Variants in SFXN2 observed in about 807,000 individuals in gnomAD.
The protein encoded by SFXN2 is sideroflexin 2.
SFXN2 carries 37 observed loss-of-function variants against 41.9 expected under a neutral mutation model. That is an observed-to-expected ratio of 0.88 (90% CI 0.68 to 1.16). SFXN2 has a LOEUF of 1.16. Among genes scored for constraint, SFXN2 ranks in the 50% most tolerant of loss-of-function variants. The pLI is 0.00. For synonymous variants in SFXN2, 150 were observed against 156.7 expected, an observed-to-expected ratio of 0.96 and a Z score of 0.32; for missense variants, 386 against 425.2, an observed-to-expected ratio of 0.91 and a Z score of 0.81.
Position 102,739,639 on chromosome 10 carries a change from C to T in SFXN2, c.*1877C>T, listed in dbSNP as rs2064824685. 6.6e-6 allele frequency: 1 copy of T among 152,234 alleles called. No individual in the cohort carries two copies. The highest frequency in any genetic ancestry group is 1.5e-5 in the Non-Finnish European group (1 of 68,056). 9.4% of individuals were successfully genotyped at this position (152,234 alleles called of 1,614,324 possible). A position where few individuals can be genotyped will look rare whatever the true frequency, so the allele number is the denominator to read the frequency against. On this transcript the variant is annotated 3_prime_UTR_variant, in exon 12 of 12. Coordinates refer to ENST00000369893, the MANE Select transcript of SFXN2 (RefSeq NM_178858.6). ...CTTAAGCACATGCATCAACCGGGCG[C>T]AGTGGCTCATGCCTGTAATCCCCAC...
In SFXN2 at chr10:102,733,641, C is replaced by A. The variant is rs1421214717; in HGVS notation, c.821+38C>A. On this transcript the variant is annotated intron_variant, in intron 10 of 11. Transcript: ENST00000369893. ...TTTTGATGATTTGGGTTCTGCGTGG[C>A]TGGAGCACTCAAGATGTGTCGTCTT... 5.7e-6 allele frequency: 9 copies of A among 1,573,314 alleles called. No individual in the cohort carries two copies. In the South Asian group the frequency reaches 1.0e-4, roughly 17 times the overall value.
rs899101035 is a variant in SFXN2, at chr10:102,739,195, C to T, written c.*1433C>T. On this transcript the variant is annotated 3_prime_UTR_variant, in exon 12 of 12. Transcript: ENST00000369893. ...GCACACAGGCACACATACACACAAA[C>T]TGTAAACTAAGTTAATGAAGCCTGA... 1.3e-5 allele frequency: 2 copies of T among 152,254 alleles called. No homozygotes were observed. The highest frequency in any genetic ancestry group is 4.8e-5 in the African/African-American group (2 of 41,462). 9.4% of individuals were successfully genotyped at this position (152,254 alleles called of 1,614,324 possible).
In SFXN2 at chr10:102,732,852, C is replaced by T; in HGVS notation, c.722-7C>T. Reference sequence around the variant, plus strand: ...CCTCCCCTCAGCTTCTCCCTGGTCTCTTCCAGTCTTGCTGCCAGTCATCAT... The same window carrying T: ...CCTCCCCTCAGCTTCTCCCTGGTCTTTTCCAGTCTTGCTGCCAGTCATCAT... On this transcript the variant is annotated splice_region_variant and splice_polypyrimidine_tract_variant and intron_variant, in intron 8 of 11. Transcript: ENST00000369893. 6.2e-7 allele frequency: 1 copy of T among 1,614,142 alleles called. No individual in the cohort carries two copies. Among genetic ancestry groups the T allele is most frequent in the Non-Finnish European group, 8.5e-7 (1 of 1,179,994 alleles).
At chr10:102,733,802 G>C (rs552057072) in intron 10 of SFXN2, among the ~76,000 whole-genome samples, 199 bp downstream of exon 10, 1 of 152,142 alleles carries the variant, frequency 6.6e-6, no homozygotes, top group African/African-American at 2.4e-5. Context: ...CTTTATGCAC[G>C]TGTCCATGTA....
chr10:102,737,625 CCT>C (rs2064798791), intron 11 of SFXN2, 36 bp from the exon 12 acceptor site: 1 of 1,379,636 alleles, frequency 7.2e-7, no homozygotes, highest in Non-Finnish European at 1.0e-6. Context: ...ACTGCTTGTT[CCT>C]GGTGGCATGC....
intron 8 of SFXN2, among the ~76,000 whole-genome samples, 166 bp from the exon 9 acceptor site, chr10:102,732,693 T>C (rs938265879): frequency 2.0e-5 from 3 of 152,094 alleles, no homozygotes; most frequent in African/African-American, 4.8e-5. Context: ...GGGAGAAAGT[T>C]TGGGGGTGGT....
chr10:102,737,025 A>C (rs923857986), intron 11 of SFXN2, among the ~76,000 whole-genome samples: 1 of 152,056 alleles, frequency 6.6e-6, no homozygotes, highest in African/African-American at 2.4e-5. Flanking sequence ...GTGGTGGTGC[A>C]TGCCTGTAAT....
chr10:102,730,727 G>A (rs922114068), intron 6 of SFXN2, among the ~76,000 whole-genome samples: 4 of 152,118 alleles, frequency 2.6e-5, no homozygotes, highest in African/African-American at 4.8e-5. Flanking sequence ...GAGGCAGGAG[G>A]ATCACCTGAG....
At chr10:102,715,840 C>T (rs987918752) in intron 1 of SFXN2, among the ~76,000 whole-genome samples, 2 of 144,854 alleles carry the variant, frequency 1.4e-5, no homozygotes, top group Admixed American at 7.4e-5. Context: ...CCTAGCTACT[C>T]GGGAGGTTGA....
At chr10:102,732,788 G>A in intron 8 of SFXN2, 71 bp from the exon 9 acceptor site, 1 of 1,527,458 alleles carries the variant, frequency 6.5e-7, no homozygotes, top group South Asian at 1.1e-5. Flanking sequence ...TTGGTTCCTG[G>A]TCTGACTTCA....
intron 9 of SFXN2, 55 bp from the exon 10 acceptor site, chr10:102,733,499 C>T (rs2064732514): frequency 2.8e-6 from 4 of 1,450,170 alleles, no homozygotes; most frequent in Non-Finnish European, 1.9e-6. Flanking sequence ...GGTTGGGGTT[C>T]ACCTTAAGGC....
intron 3 of SFXN2, 83 bp downstream of exon 3, chr10:102,727,240 T>TA: frequency 1.4e-6 from 2 of 1,431,500 alleles, no homozygotes; most frequent in Non-Finnish European, 1.9e-6. Context: ...ATAATAATAG[T>TA]TCTCTTGATT....
chr10:102,735,811 C>A, intron 10 of SFXN2, 51 bp from the exon 11 acceptor site: 1 of 1,593,368 alleles, frequency 6.3e-7, no homozygotes, highest in Non-Finnish European at 8.6e-7. Flanking sequence ...GGGGGATGGA[C>A]GGGCCTGTGG....
rs571633429 is a variant in SFXN2 at position 102,727,086 on chromosome 10, T to C, written c.261T>C (p.Asn87=). 26 of 1,611,022 alleles carry C rather than the reference T, an allele frequency of 1.6e-5. 1 individual carries two copies. In the African/African-American group the frequency reaches 3.3e-4, roughly 21 times the overall value. Residue 87 remains asparagine (N), a synonymous_variant, in exon 3 of 12, where the codon AAT becomes AAC. Transcript: ENST00000369893. ...ACCCCGACACTGGGGAGAAGATGAA[T>C]GTCATCGGGCGCATGTCTTTCCAGC... The part of the protein sequence containing the change: ...AFHPDTGEKM[N]VIGRMSFQLP...
At chr10:102,720,302 A>G (rs2064489380) in intron 1 of SFXN2, among the ~76,000 whole-genome samples, 2 of 150,074 alleles carry the variant, frequency 1.3e-5, no homozygotes, top group African/African-American at 4.9e-5. Flanking sequence ...AAAAAAAAAA[A>G]AAAAAAAAAA....
At chr10:102,720,464 C>G (rs994738565) in intron 1 of SFXN2, among the ~76,000 whole-genome samples, 11 of 151,702 alleles carry the variant, frequency 7.3e-5, no homozygotes, top group Admixed American at 1.3e-4. Flanking sequence ...AAAAACTAGC[C>G]GGGCATGTTG....
At chr10:102,733,696 CT>C in intron 10 of SFXN2, 93 bp downstream of exon 10, 1 of 1,007,844 alleles carries the variant, frequency 9.9e-7, no homozygotes, top group Non-Finnish European at 1.6e-6. Flanking sequence ...ACGTGTACTC[CT>C]TTACCTGACT....
At position 102,740,906 on chromosome 10, in the gene SFXN2, C is replaced by T. The variant is rs1842778005; in HGVS notation, c.*3144C>T. The T allele has an allele frequency of 6.6e-6, 1 of 152,206 alleles. No individual in the cohort carries two copies. Among genetic ancestry groups the T allele is most frequent in the African/African-American group, 2.4e-5 (1 of 41,452 alleles). The allele number at this position is 152,206 out of a possible 1,614,324, so 9.4% of individuals were successfully genotyped here. A position where few individuals can be genotyped will look rare whatever the true frequency, so the allele number is the denominator to read the frequency against. ...CTGACTGATGTTCTTTCAGAACATA[C>T]AATGTTTCCCCTTCCTTCTCAGCTC... is the stretch of plus-strand genomic sequence containing the variant. On this transcript the variant is annotated 3_prime_UTR_variant, in exon 12 of 12. Coordinates refer to ENST00000369893, the MANE Select transcript of SFXN2 (RefSeq NM_178858.6).
intron 9 of SFXN2, 92 bp from the exon 10 acceptor site, chr10:102,733,462 C>G (rs1295283044): frequency 3.7e-6 from 4 of 1,082,524 alleles, no homozygotes; most frequent in Admixed American, 3.7e-5. Context: ...GTGGGCTTTT[C>G]TAGCTGGCTG....
Sources: gnomAD v4.1 joint callset for allele counts (sites outside exome capture counted in the v4.1 genomes callset) on GRCh38, gnomAD v4.1.1 for gene constraint, MANE v1.5 for transcripts, NCBI Gene and HGNC (gene_info 2026-07-23, HGNC 2026-07-21) for gene names.